C2: variants seen among roughly 807,000 people sequenced by gnomAD.
C2 encodes the protein complement C2.
Under a neutral mutation model 85.2 loss-of-function variants are expected in C2, and 64 were observed. The observed-to-expected ratio is 0.75, with a 90% CI of 0.61 to 0.92. The LOEUF is 0.92. Among genes scored for constraint, C2 ranks in the 40% least tolerant of loss-of-function variants. The probability of loss-of-function intolerance (pLI) is 0.00; values close to 1 mark genes in which losing one functional copy is unlikely to be tolerated. For synonymous variants in C2, 311 were observed against 370.8 expected (o/e 0.84, Z 1.85); for missense variants, 820 against 971.6 (o/e 0.84, Z 2.07).
chr6:31,925,169 T>A (rs920453809), upstream of C2, among the ~76,000 whole-genome samples: 2 of 152,252 alleles, frequency 1.3e-5, no homozygotes, highest in African/African-American at 2.4e-5. Context: ...AAATCATTTT[T>A]AAATTTCCTA....
chr6:31,915,209 G>A (rs1490660258), upstream of C2, among the ~76,000 whole-genome samples: 3 of 151,996 alleles, frequency 2.0e-5, no homozygotes, highest in Non-Finnish European at 2.9e-5. Context: ...ATAGCAAATC[G>A]CCTTACAAGC....
upstream of C2, among the ~76,000 whole-genome samples, chr6:31,927,022 T>G (rs1769312380): frequency 6.6e-6 from 1 of 152,196 alleles, no homozygotes; most frequent in Non-Finnish European, 1.5e-5. This position sits in a 1 kb window ranked among gnomAD's most constrained non-coding sequence, Gnocchi z 4.7. Context: ...GTATTTACTT[T>G]GCCAGTTGGG....
At chr6:31,939,786 AT>A (rs1183574128) in intron 9 of C2, among the ~76,000 whole-genome samples, 4 of 151,864 alleles carry the variant, frequency 2.6e-5, no homozygotes, top group East Asian at 1.9e-4. Context: ...TAATTTTTAA[AT>A]TTTTTTTGAG....
chr6:31,931,615 G>T (rs1056681209), intron 3 of C2, among the ~76,000 whole-genome samples: 2 of 152,026 alleles, frequency 1.3e-5, no homozygotes, highest in African/African-American at 2.4e-5. Context: ...CAAGGCAGAA[G>T]AATTTTTCTT....
In C2 at chr6:31,911,784, C is replaced by T. The variant is rs760973735; in HGVS notation, c.73+10645C>T. Among the ~76,000 whole-genome samples the T allele has an allele frequency of 2.9e-4, 44 of 152,102 alleles. 1 individual carries two copies. Among genetic ancestry groups the T allele is most frequent in the Middle Eastern group, 6.8e-3 (2 of 294 alleles). ...AGCTGGGACTACAGGCACATGCCAC[C>T]ACGCCTGGCTAATTTTTGTATTTTT... On this transcript the variant is annotated intron_variant, in intron 1 of 3. Coordinates refer to the C2 transcript ENST00000452202.
upstream of C2, among the ~76,000 whole-genome samples, chr6:31,925,377 C>T (rs1029839033): frequency 3.3e-5 from 5 of 151,816 alleles, no homozygotes; most frequent in Non-Finnish European, 7.4e-5. Context: ...ACTGCAATCT[C>T]TGCCTCCCGG....
chr6:31,945,002 C>T lies in C2; in HGVS notation c.2052C>T (p.Phe684=). ...PCKGESGGAV[F]LERRFRFFQV... ...CAGGAGAATCTGGGGGAGCAGTTTT[C>T]CTTGAGCGGAGATTCAGGTTTTTTC... Residue 684 remains phenylalanine, a synonymous_variant, in exon 17 of 18, where the codon TTC becomes TTT. Transcript: ENST00000299367. The surrounding 1 kb of genome is among the most constrained non-coding windows in gnomAD (Gnocchi z 5.3). 2 of 1,613,056 alleles carry T rather than the reference C, an allele frequency of 1.2e-6. No individual in the cohort carries two copies. Among genetic ancestry groups the T allele is most frequent in the Non-Finnish European group, 1.7e-6 (2 of 1,180,048 alleles).
chr6:31,920,074 AG>A lies in C2; in HGVS notation c.-100+50del, dbSNP rs1768859119. The A allele has an allele frequency of 6.6e-6, 1 of 152,292 alleles. No individual in the cohort carries two copies. Among genetic ancestry groups the A allele is most frequent in the Non-Finnish European group, 1.5e-5 (1 of 68,100 alleles). 9.4% of individuals were successfully genotyped at this position (152,292 alleles called of 1,614,324 possible). ...TAATGAATTTGCCAAGCCAAACCTG[AG>A]GTTCCAGGCTGTCTTAAGTCAAAGC... On this transcript the variant is annotated intron_variant, in intron 1 of 3. Coordinates refer to the C2 transcript ENST00000413154. The surrounding 1 kb of genome is among the most constrained non-coding windows in gnomAD (Gnocchi z 5.6).
intron 1 of C2, among the ~76,000 whole-genome samples, chr6:31,912,503 C>G (rs1768181855): frequency 6.6e-6 from 1 of 152,152 alleles, no homozygotes; most frequent in African/African-American, 2.4e-5. Context: ...GCCTTCTAGG[C>G]CTTTATCTCA....
At chr6:31,941,159 TC>T (rs895788131) in intron 9 of C2, 4 of 152,262 alleles carry the variant, frequency 2.6e-5, no homozygotes, top group African/African-American at 9.6e-5. Flanking sequence ...TTCTTTCTAT[TC>T]ATTCAGTCAT....
intron 9 of C2, chr6:31,941,851 C>A (rs1374895675): frequency 1.7e-5 from 2 of 119,400 alleles, no homozygotes; most frequent in African/African-American, 6.9e-5. Context: ...TGGAGTCTTG[C>A]TCTGTTGCCC....
rs1771022984 is a variant in C2 at position 31,943,106 on chromosome 6, G to A, written c.1360+7G>A. 2 of 1,612,890 alleles carry A rather than the reference G, an allele frequency of 1.2e-6. No homozygotes were observed. Among genetic ancestry groups the A allele is most frequent in the Admixed American group, 1.7e-5 (1 of 60,008 alleles). On this transcript the variant is annotated splice_region_variant and intron_variant, in intron 10 of 17. Coordinates refer to ENST00000299367, the MANE Select transcript of C2 (RefSeq NM_000063.6). The surrounding 1 kb of genome is among the most constrained non-coding windows in gnomAD (Gnocchi z 6.4). ...GTCTTTGAACATATGCTGGGTGAGTGAGCTTTGCCCTCCTTGGTGTGGGGA... is the reference window on the plus strand; with the variant it reads ...GTCTTTGAACATATGCTGGGTGAGTAAGCTTTGCCCTCCTTGGTGTGGGGA...
chr6:31,899,002 G>A (rs1033596031), upstream of C2, among the ~76,000 whole-genome samples: 2 of 151,874 alleles, frequency 1.3e-5, no homozygotes, highest in African/African-American at 4.8e-5. Context: ...TATTAAGAAC[G>A]CAGCATCACA....
upstream of C2, among the ~76,000 whole-genome samples, chr6:31,919,144 CTT>C (rs559090030): frequency 1.5e-5 from 2 of 133,656 alleles, no homozygotes; most frequent in African/African-American, 2.8e-5. Context: ...CTTTTCTTTT[CTT>C]TTTTTTTTTT....
Position 31,935,552 on chromosome 6 carries a change from C to G in C2, c.850-371C>G, listed in dbSNP as rs1770338592. 1 of 313,764 alleles carries G rather than the reference C, an allele frequency of 3.2e-6. No homozygotes were observed. The highest frequency in any genetic ancestry group is 6.3e-6 in the Non-Finnish European group (1 of 159,430). The allele number at this position is 313,764 out of a possible 1,614,324, so 19.4% of individuals were successfully genotyped here. A position where few individuals can be genotyped will look rare whatever the true frequency, so the allele number is the denominator to read the frequency against. On this transcript the variant is annotated intron_variant, in intron 6 of 17. Transcript: ENST00000299367. The surrounding 1 kb of genome is among the most constrained non-coding windows in gnomAD (Gnocchi z 4.3). The stretch of plus-strand genomic sequence containing the variant: ...TGGTGCGATCTCAGCTCACTGCAAA[C>G]TTTGCCTCCTGGGTTCAAGTGATTC...
chr6:31,917,580 C>G (rs780090343), upstream of C2, among the ~76,000 whole-genome samples: 3 of 151,928 alleles, frequency 2.0e-5, no homozygotes, highest in Non-Finnish European at 4.4e-5. Context: ...ACCTGTACCC[C>G]CTGTATCTAA....
chr6:31,904,737 TTA>T lies in C2; in HGVS notation c.73+3599_73+3600del, dbSNP rs531342527. Among the ~76,000 whole-genome samples the T allele has an allele frequency of 6.6e-6, 1 of 152,226 alleles. No individual in the cohort carries two copies. The highest frequency in any genetic ancestry group is 1.5e-5 in the Non-Finnish European group (1 of 68,040). ...ATACAAAAAGCTGTCAAGTTAAGAA[TTA>T]GAGTTTGTAAAATTTTGTTTCTTGT... On this transcript the variant is annotated intron_variant, in intron 1 of 3. Coordinates refer to the C2 transcript ENST00000452202. The surrounding 1 kb of genome is among the most constrained non-coding windows in gnomAD (Gnocchi z 4.4).
intron 3 of C2, among the ~76,000 whole-genome samples, chr6:31,931,455 G>A (rs1769738288): frequency 6.6e-6 from 1 of 151,024 alleles, no homozygotes; most frequent in African/African-American, 2.4e-5. Context: ...ATTAGGGAGT[G>A]GTGATGACTC....
At chr6:31,908,692 C>G (rs1767894652) in intron 1 of C2, among the ~76,000 whole-genome samples, 1 of 151,670 alleles carries the variant, frequency 6.6e-6, no homozygotes. Flanking sequence ...CAAAGCCATC[C>G]CAACCTTCAG....
Sources: allele counts gnomAD v4.1 joint callset (sites outside exome capture counted in the v4.1 genomes callset), GRCh38; gene constraint gnomAD v4.1.1; non-coding constraint Gnocchi (gnomAD v3.1); transcripts MANE v1.5; gene names NCBI Gene and HGNC (gene_info 2026-07-23, HGNC 2026-07-21).